The following RYR3 variants were observed in gnomAD, a reference collection of about 807,000 sequenced individuals.
RYR3 encodes brain ryanodine receptor-calcium release channel.
RYR3 carries 207 observed loss-of-function variants against 584.3 expected under a neutral mutation model. That is an observed-to-expected ratio of 0.35 (90% CI 0.32 to 0.40). RYR3 has a LOEUF of 0.40. Ranked by LOEUF, RYR3 falls within the 10% of genes least tolerant of loss-of-function variation. The probability of loss-of-function intolerance (pLI) is 1.00; values close to 1 mark genes in which losing one functional copy is unlikely to be tolerated. For synonymous variants in RYR3, 2,416 were observed against 2,248.5 expected (o/e 1.07, Z -2.11); for missense variants, 5,616 against 6,089.2 (o/e 0.92, Z 2.59).
intron 1 of RYR3, among the ~76,000 whole-genome samples, chr15:33,408,312 A>G (rs2043162553): frequency 6.6e-6 from 1 of 152,166 alleles, no homozygotes; most frequent in Non-Finnish European, 1.5e-5. Flanking sequence ...GATGGCATCC[A>G]TGTTGTGGTA....
At chr15:33,805,979 T>G (rs2076186627) in intron 69 of RYR3, among the ~76,000 whole-genome samples, 1 of 146,824 alleles carries the variant, frequency 6.8e-6, no homozygotes, top group Non-Finnish European at 1.5e-5. Context: ...CTGTCCACCA[T>G]TTCTTCCTTC....
In RYR3 at chr15:33,838,055, C is replaced by T. The variant is rs960920181; in HGVS notation, c.12075C>T (p.Phe4025=). 6.8e-6 allele frequency: 11 copies of T among 1,613,842 alleles called. No individual in the cohort carries two copies. Among genetic ancestry groups the T allele is most frequent in the East Asian group, 6.7e-5 (3 of 44,900 alleles). ...LDPAESVLNY[F]EPYLGRIEIM... is the part of the protein sequence containing the mutation. ...CAGCAGAAAGTGTGCTAAATTACTTCGAACCCTACCTAGGACGCATCGAGA... is the reference window on the plus strand; with the variant it reads ...CAGCAGAAAGTGTGCTAAATTACTTTGAACCCTACCTAGGACGCATCGAGA... Residue 4025 remains phenylalanine (F), a synonymous_variant, in exon 89 of 104, where the codon TTC becomes TTT. Coordinates refer to ENST00000634891, the MANE Select transcript of RYR3 (RefSeq NM_001036.6).
intron 3 of RYR3, among the ~76,000 whole-genome samples, chr15:33,519,156 C>G (rs1447734200): frequency 6.6e-6 from 1 of 152,114 alleles, no homozygotes. Flanking sequence ...CAGGAAGTGT[C>G]CAGCTGACCT....
intron 2 of RYR3, among the ~76,000 whole-genome samples, chr15:33,502,428 G>A (rs1327319766): frequency 2.0e-5 from 3 of 152,142 alleles, no homozygotes; most frequent in East Asian, 1.9e-4. Context: ...CATGGCTGTC[G>A]GTAGTTTCTG....
intron 86 of RYR3, among the ~76,000 whole-genome samples, chr15:33,832,287 C>T (rs1163625495): frequency 7.2e-6 from 1 of 138,714 alleles, no homozygotes; most frequent in Non-Finnish European, 1.6e-5. Context: ...GAGCAAGACT[C>T]AGTCTCAAAA....
At chr15:33,467,405 G>A (rs1022262892) in intron 1 of RYR3, 9 of 796,520 alleles carry the variant, frequency 1.1e-5, no homozygotes, top group African/African-American at 1.1e-4. Flanking sequence ...GTAGAGAAGC[G>A]GGAGAGCCAA....
chr15:33,506,521 T>C (rs1246871874), intron 3 of RYR3, among the ~76,000 whole-genome samples: 1 of 152,198 alleles, frequency 6.6e-6, no homozygotes, highest in Non-Finnish European at 1.5e-5. Context: ...AATAGTTATT[T>C]CCCACCTTGA....
intron 70 of RYR3, among the ~76,000 whole-genome samples, chr15:33,808,890 C>A (rs1190014363): frequency 6.6e-6 from 1 of 152,112 alleles, no homozygotes; most frequent in African/African-American, 2.4e-5. Context: ...GAGCACTGGA[C>A]GCAAGATACC....
At chr15:33,478,025 G>A (rs190002354) in intron 2 of RYR3, among the ~76,000 whole-genome samples, 1 of 151,362 alleles carries the variant, frequency 6.6e-6, no homozygotes, top group African/African-American at 2.4e-5. Context: ...GTGTTCCTAG[G>A]CACTAGGAAT....
chr15:33,612,596 G>A (rs1211479309), intron 18 of RYR3, among the ~76,000 whole-genome samples: 1 of 152,142 alleles, frequency 6.6e-6, no homozygotes, highest in Non-Finnish European at 1.5e-5. Context: ...CTGACCTCAG[G>A]TGATCCACCT....
intron 1 of RYR3, among the ~76,000 whole-genome samples, chr15:33,346,671 T>A (rs1157106062): frequency 6.6e-6 from 1 of 152,162 alleles, no homozygotes; most frequent in Non-Finnish European, 1.5e-5. Flanking sequence ...GAAATCCTCT[T>A]GATATCAGAA....
intron 1 of RYR3, among the ~76,000 whole-genome samples, chr15:33,414,256 G>A (rs2043618462): frequency 6.6e-6 from 1 of 152,154 alleles, no homozygotes; most frequent in Non-Finnish European, 1.5e-5. Context: ...AACAACTAGA[G>A]ACTTCCTGGA....
Position 33,783,149 on chromosome 15 carries a change from G to A in RYR3, c.9269-2513G>A, listed in dbSNP as rs760340434. ...ATTCTAACGCGCATCAGAATCACCC[G>A]GGAGGCTTGTTCAAGACTGTTGAGC... On this transcript the variant is annotated intron_variant, in intron 65 of 103. Coordinates refer to ENST00000634891, the MANE Select transcript of RYR3 (RefSeq NM_001036.6). Among the ~76,000 whole-genome samples, 12 of 152,290 alleles carry A rather than the reference G, an allele frequency of 7.9e-5. No individual in the cohort carries two copies. The East Asian group carries it at 1.2e-3, about 15-fold the overall frequency.
At chr15:33,698,970 T>C (rs1427775674) in intron 40 of RYR3, among the ~76,000 whole-genome samples, 3 of 152,206 alleles carry the variant, frequency 2.0e-5, no homozygotes, top group African/African-American at 7.2e-5. Context: ...TGCTGGTTAC[T>C]TTGTTAAGTA....
At chr15:33,358,299 A>G (rs1224182213) in intron 1 of RYR3, among the ~76,000 whole-genome samples, 1 of 152,188 alleles carries the variant, frequency 6.6e-6, no homozygotes, top group Non-Finnish European at 1.5e-5. Flanking sequence ...TGGGCACTCT[A>G]CCTACTGAGG....
chr15:33,336,613 T>G (rs1971123309), intron 1 of RYR3, among the ~76,000 whole-genome samples: 1 of 151,312 alleles, frequency 6.6e-6, no homozygotes, highest in Non-Finnish European at 1.5e-5. Context: ...AGCAGGCACA[T>G]TGGCTCAGCA....
At chr15:33,627,519 G>GT (rs2061054712) in intron 20 of RYR3, among the ~76,000 whole-genome samples, 2 of 152,156 alleles carry the variant, frequency 1.3e-5, no homozygotes, top group Admixed American at 1.3e-4. Flanking sequence ...TGTATATGGT[G>GT]GGGAGTATTA....
Position 33,662,013 on chromosome 15 carries a change from C to A in RYR3, c.4623-140C>A, listed in dbSNP as rs1012228085. On this transcript the variant is annotated intron_variant, in intron 34 of 103. Transcript: ENST00000634891. ...GAATACGGACCAGAGCTGAGAGAGG[C>A]ATGATAAGCCATAAGAGAAACTGTG... 6 of 639,642 alleles carry A rather than the reference C, an allele frequency of 9.4e-6. No individual in the cohort carries two copies. The African/African-American group carries it at 1.1e-4, about 12-fold the overall frequency. The allele number at this position is 639,642 out of a possible 1,614,324, so 39.6% of individuals were successfully genotyped here. A position where few individuals can be genotyped will look rare whatever the true frequency, so the allele number is the denominator to read the frequency against.
chr15:33,863,997 A>ATGCCACACTTCCCTGATCATT, intron 102 of RYR3, 141 bp from the exon 103 acceptor site: 1 of 595,894 alleles, frequency 1.7e-6, no homozygotes. Context: ...TTGTGTCCTT[A>ATGCCACACTTCCCTGATCATT]TGCCACACTT....
Sources: gnomAD v4.1 joint callset for allele counts (sites outside exome capture counted in the v4.1 genomes callset) on GRCh38, gnomAD v4.1.1 for gene constraint, MANE v1.5 for transcripts, NCBI Gene and HGNC (gene_info 2026-07-23, HGNC 2026-07-21) for gene names.